The following LOXHD1 variants were observed in gnomAD, a reference collection of about 807,000 sequenced individuals.
LOXHD1 encodes the protein lipoxygenase homology domain-containing protein 1.
LOXHD1 carries 205 observed loss-of-function variants against 248.2 expected under a neutral mutation model. That is an observed-to-expected ratio of 0.83 (90% CI 0.74 to 0.93). The LOEUF (loss-of-function observed/expected upper bound fraction) is 0.93, where lower values mean the gene tolerates loss of function less well. LOXHD1 is among the 40% of genes least tolerant of loss of function. The probability of loss-of-function intolerance (pLI) is 0.00; values close to 1 mark genes in which losing one functional copy is unlikely to be tolerated. For synonymous variants in LOXHD1, 1,113 were observed against 1,162.8 expected (o/e 0.96, Z 0.87); for missense variants, 2,930 against 2,971.6 (o/e 0.99, Z 0.33).
chr18:46,521,054 ACTGCCCTGG>A, intron 33 of LOXHD1, 34 bp downstream of exon 33: 1 of 1,538,228 alleles, frequency 6.5e-7, no homozygotes, highest in Non-Finnish European at 8.8e-7. Context: ...CTCAACCTGC[ACTGCCCTGG>A]CCATGCACTG....
chr18:46,625,955 G>A (rs1363074810), intron 4 of LOXHD1, among the ~76,000 whole-genome samples: 1 of 152,120 alleles, frequency 6.6e-6, no homozygotes, highest in Non-Finnish European at 1.5e-5. Context: ...TCTTCCCAGA[G>A]GGCCAGAACA....
chr18:46,514,816 C>T (rs939267750), intron 34 of LOXHD1, among the ~76,000 whole-genome samples: 5 of 152,182 alleles, frequency 3.3e-5, no homozygotes, highest in Admixed American at 2.0e-4. Context: ...TTCTACTGGG[C>T]CTAGGCATGA....
chr18:46,610,571 G>A (rs1459562034), intron 6 of LOXHD1, among the ~76,000 whole-genome samples: 1 of 152,158 alleles, frequency 6.6e-6, no homozygotes, highest in Non-Finnish European at 1.5e-5. Flanking sequence ...AAAAGAGAAA[G>A]TACTGGACTT....
intron 25 of LOXHD1, among the ~76,000 whole-genome samples, chr18:46,540,206 C>G (rs745852762): frequency 5.9e-5 from 9 of 152,188 alleles, no homozygotes; most frequent in Non-Finnish European, 1.0e-4. Context: ...TGAACTCAAA[C>G]CCAGGCTTGC....
intron 15 of LOXHD1, 113 bp from the exon 16 acceptor site, chr18:46,569,751 C>T (rs755439842): frequency 2.5e-5 from 20 of 790,386 alleles, no homozygotes; most frequent in African/African-American, 1.7e-4. Flanking sequence ...GGGGAACACA[C>T]GCTGGGAATT....
chr18:46,501,681 C>G (rs1458170083), intron 37 of LOXHD1, among the ~76,000 whole-genome samples: 1 of 152,206 alleles, frequency 6.6e-6, no homozygotes, highest in Non-Finnish European at 1.5e-5. Context: ...GAACCTAACC[C>G]TGTGCTTCCC....
At chr18:46,648,501 C>T (rs2039062265) in intron 2 of LOXHD1, among the ~76,000 whole-genome samples, 1 of 152,182 alleles carries the variant, frequency 6.6e-6, no homozygotes, top group South Asian at 2.1e-4. Flanking sequence ...CAGACCACTC[C>T]TGAGGCCCAA....
At chr18:46,547,679 G>A (rs941725185) in intron 21 of LOXHD1, among the ~76,000 whole-genome samples, 1 of 151,990 alleles carries the variant, frequency 6.6e-6, no homozygotes, top group African/African-American at 2.4e-5. Flanking sequence ...GGGTAATTAA[G>A]GACTCTCCCC....
rs1391204036 is a variant in LOXHD1 at position 46,579,771 on chromosome 18, A to G, written c.1668T>C (p.His556=). ...CAAGTTCACCTGTGCACACAGTCAC[A>G]TGGTACCGGGCCACTGGCAGGCAGA... The part of the protein sequence containing the change: ...VRRIMGMARY[H]VTVCTGELEG... Residue 556 remains histidine (H), a synonymous_variant, in exon 13 of 41, where the codon CAT becomes CAC. Transcript: ENST00000642948. The G allele has an allele frequency of 1.3e-6, 2 of 1,551,680 alleles. No individual in the cohort carries two copies. Among genetic ancestry groups the G allele is most frequent in the African/African-American group, 2.7e-5 (2 of 73,062 alleles).
intron 12 of LOXHD1, among the ~76,000 whole-genome samples, chr18:46,587,469 G>C (rs1449894265): frequency 6.6e-6 from 1 of 152,156 alleles, no homozygotes; most frequent in Non-Finnish European, 1.5e-5. Context: ...TGAGCTCTGA[G>C]GTCCCTTTGG....
chr18:46,591,837 A>G, intron 12 of LOXHD1, 96 bp downstream of exon 12: 1 of 1,452,800 alleles, frequency 6.9e-7, no homozygotes, highest in Non-Finnish European at 9.4e-7. Flanking sequence ...CTGAAGATGC[A>G]AAGCAGACAA....
chr18:46,533,465 C>T (rs1171599609), intron 27 of LOXHD1, 141 bp from the exon 28 acceptor site: 7 of 824,134 alleles, frequency 8.5e-6, no homozygotes, highest in South Asian at 3.7e-5. Flanking sequence ...AGGAGAGCCC[C>T]TTGCCCCAAT....
At position 46,494,837 on chromosome 18, in the gene LOXHD1, TTTTCTC is replaced by T. The variant is rs1435319966; in HGVS notation, c.5879-5701_5879-5696del. On this transcript the variant is annotated intron_variant, in intron 37 of 40. Coordinates refer to ENST00000642948, the MANE Select transcript of LOXHD1 (RefSeq NM_001384474.1). ...TATGATTTATATTTTTCTTTCTCCT[TTTTCTC>T]TCTCTCTTTTTTTTTTTTTTTTTTT... Among the ~76,000 whole-genome samples, 5 of 106,556 alleles carry T rather than the reference TTTTCTC, an allele frequency of 4.7e-5. No homozygotes were observed. The South Asian group carries it at 9.1e-4, about 19-fold the overall frequency. The allele number at this position is 106,556 out of a possible 152,430, so 69.9% of individuals were successfully genotyped here. A position where few individuals can be genotyped will look rare whatever the true frequency, so the allele number is the denominator to read the frequency against.
chr18:46,584,544 T>C (rs2144180405), intron 12 of LOXHD1, among the ~76,000 whole-genome samples: 1 of 152,074 alleles, frequency 6.6e-6, no homozygotes, highest in Non-Finnish European at 1.5e-5. Context: ...AAATTCCAAA[T>C]CTTTTAAGTG....
At chr18:46,496,633 A>T (rs1449894819) in intron 37 of LOXHD1, among the ~76,000 whole-genome samples, 3 of 152,224 alleles carry the variant, frequency 2.0e-5, no homozygotes, top group Non-Finnish European at 4.4e-5. Context: ...GTTACCATTA[A>T]AAGGAAATTG....
At chr18:46,558,573 G>A (rs1007317271) in intron 20 of LOXHD1, among the ~76,000 whole-genome samples, 5 of 152,066 alleles carry the variant, frequency 3.3e-5, no homozygotes, top group African/African-American at 1.2e-4. Context: ...AAAAGCAGGG[G>A]GCCCCTGAAA....
intron 6 of LOXHD1, among the ~76,000 whole-genome samples, chr18:46,609,594 T>G (rs1279899182): frequency 6.6e-6 from 1 of 152,206 alleles, no homozygotes; most frequent in Admixed American, 6.5e-5. Context: ...ATATTATACG[T>G]TGATGTCTTC....
chr18:46,539,570 C>T (rs1393876444), intron 25 of LOXHD1, among the ~76,000 whole-genome samples: 1 of 151,962 alleles, frequency 6.6e-6, no homozygotes. Context: ...CCACCTGAAA[C>T]AATGTATTGC....
intron 23 of LOXHD1, among the ~76,000 whole-genome samples, chr18:46,543,457 G>A (rs968053179): frequency 5.3e-5 from 8 of 151,932 alleles, no homozygotes; most frequent in African/African-American, 1.5e-4. Flanking sequence ...TGGGGTACAC[G>A]TGCAGAACAT....
Sources: allele counts gnomAD v4.1 joint callset (sites outside exome capture counted in the v4.1 genomes callset), GRCh38; gene constraint gnomAD v4.1.1; transcripts MANE v1.5; gene names NCBI Gene and HGNC (gene_info 2026-07-23, HGNC 2026-07-21).